The following CILP variants were observed in gnomAD, a reference collection of about 807,000 sequenced individuals.
The protein encoded by CILP is cartilage intermediate layer protein 1.
In CILP, 75 loss-of-function variants were observed where a neutral mutation model predicts 82.5. That is an observed-to-expected ratio of 0.91 (90% CI 0.75 to 1.10). The LOEUF is 1.10. Ranked by LOEUF, CILP falls within the 50% of genes least tolerant of loss-of-function variation. CILP has a pLI of 0.00. For missense variants in CILP, 1,479 were observed against 1,530.8 expected, an observed-to-expected ratio of 0.97 and a Z score of 0.56; for synonymous variants, 530 against 580.3, an observed-to-expected ratio of 0.91 and a Z score of 1.25.
chr15:65,197,553 G>C lies in CILP; in HGVS notation c.2733C>G (p.His911Gln). The C allele has an allele frequency of 6.2e-7, 1 of 1,614,246 alleles. No homozygotes were observed. Among genetic ancestry groups the C allele is most frequent in the South Asian group, 1.1e-5 (1 of 91,080 alleles). Residue 911 changes from histidine to glutamine, a missense_variant, in exon 9 of 9, where the codon CAC becomes CAG. Physicochemically the swap from His to Gln is conservative, Grantham distance 24 (BLOSUM62 0). Transcript: ENST00000261883. ...ACEEAPPSAA[H>Q]FRFYQIEGDR... ...CCCCCTCAATCTGGTAGAACCGGAA[G>C]TGGGCTGCACTGGGTGGTGCCTCTT... is the stretch of plus-strand genomic sequence containing the variant.
chr15:65,203,086 C>T (rs920343048), intron 7 of CILP, among the ~76,000 whole-genome samples: 3 of 152,106 alleles, frequency 2.0e-5, no homozygotes, highest in Non-Finnish European at 4.4e-5. Context: ...ATCCACCTGC[C>T]ACAGCCTCCC....
intron 5 of CILP, among the ~76,000 whole-genome samples, chr15:65,205,045 G>A (rs2088502049): frequency 6.6e-6 from 1 of 151,662 alleles, no homozygotes; most frequent in African/African-American, 2.4e-5. Flanking sequence ...CAACAACTTA[G>A]CCCAAAACAC....
chr15:65,205,379 T>C lies in CILP; in HGVS notation c.512A>G (p.Gln171Arg). ...CSAACGQTGV[Q>R]TRTRICLAEM... ...TGCCAAGCAAATGCGTGTGCGAGTC[T>C]GGACCCCAGTCTGACCACAGGCAGC... Residue 171 changes from glutamine (Q) to arginine (R), a missense_variant, in exon 5 of 9, where the codon CAG becomes CGG. Physicochemically the swap from Gln to Arg is conservative, Grantham distance 43. Transcript: ENST00000261883. 6.2e-7 allele frequency: 1 copy of C among 1,614,122 alleles called. No homozygotes were observed. Among genetic ancestry groups the C allele is most frequent in the Non-Finnish European group, 8.5e-7 (1 of 1,180,044 alleles).
In CILP at chr15:65,199,099, G is replaced by A; in HGVS notation, c.1187C>T (p.Ala396Val). The change falls in exon 9 of 9, where the codon GCA becomes GTA. Residue 396 changes from alanine to valine, a missense_variant and splice_region_variant. Transcript: ENST00000261883. ...TGGGTTGCAAGGAGTCTCATCAGAT[G>A]CTGTGTAGGGAAATGGTGTGGAAAT... is the stretch of plus-strand genomic sequence containing the variant. Reference protein sequence around the residue: ...KSKVAQLIVIASDETPCNPVP... With the variant: ...KSKVAQLIVIVSDETPCNPVP... The A allele has an allele frequency of 6.3e-7, 1 of 1,579,294 alleles. No homozygotes were observed. Among genetic ancestry groups the A allele is most frequent in the Non-Finnish European group, 8.5e-7 (1 of 1,169,610 alleles).
chr15:65,195,524 A>G lies in CILP; in HGVS notation c.*1207T>C, dbSNP rs1488808688. 2 of 152,240 alleles carry G rather than the reference A, an allele frequency of 1.3e-5. No homozygotes were observed. Among genetic ancestry groups the G allele is most frequent in the Admixed American group, 6.5e-5 (1 of 15,284 alleles). The allele number at this position is 152,240 out of a possible 1,614,324, so 9.4% of individuals were successfully genotyped here. The stretch of plus-strand genomic sequence containing the variant: ...CCGTTTGGACCAATTGTTTTGCTCC[A>G]GGGACAGGGTCTGTAACACACAACA... On this transcript the variant is annotated 3_prime_UTR_variant, in exon 9 of 9. Transcript: ENST00000261883.
Position 65,206,963 on chromosome 15 carries a change from A to T in CILP, c.243T>A (p.Tyr81Ter), listed in dbSNP as rs143749221. Reference protein sequence around the residue: ...YERLDAIRFYYGDRVCARPLR... With the variant: ...YERLDAIRFY ...GGGGACGGGCACATACACGGTCCCC[A>T]TAGTAGAAGCGAATGGCGTCCAGCC... is the stretch of plus-strand genomic sequence containing the variant. Residue 81 changes from tyrosine (Y) to a stop codon, truncating the protein, a stop_gained, in exon 4 of 9, where the codon TAT (tyrosine) becomes TAA (stop). Transcript: ENST00000261883. LOFTEE classifies it high-confidence loss of function. 23 of 1,613,894 alleles carry T rather than the reference A, an allele frequency of 1.4e-5. No homozygotes were observed. The highest frequency in any genetic ancestry group is 1.5e-5 in the Non-Finnish European group (18 of 1,180,018).
At position 65,204,297 on chromosome 15, in the gene CILP, G is replaced by A. The variant is rs777976230; in HGVS notation, c.890C>T (p.Ala297Val). Residue 297 changes from alanine to valine, a missense_variant, in exon 6 of 9, where the codon GCC becomes GTC. Transcript: ENST00000261883. ...CCTCACAAACTCTGCCTTGATGGTG[G>A]CTGCCTTCAGGCTAGTCTTGGGCAT... is the stretch of plus-strand genomic sequence containing the variant. ...LTMPKTSLKA[A>V]TIKAEFVRAE... 1.2e-6 allele frequency: 2 copies of A among 1,613,932 alleles called. No individual in the cohort carries two copies. Among genetic ancestry groups the A allele is most frequent in the South Asian group, 1.1e-5 (1 of 90,998 alleles).
Position 65,196,450 on chromosome 15 carries a change from A to C in CILP, c.*281T>G, listed in dbSNP as rs2088362087. On this transcript the variant is annotated 3_prime_UTR_variant, in exon 9 of 9. Coordinates refer to ENST00000261883, the MANE Select transcript of CILP (RefSeq NM_003613.4). ...AAGAAGAGGAAGTATATTTGCATTA[A>C]TGGCATTAAATGAAGTACAGTTGAA... 1 of 352,388 alleles carries C rather than the reference A, an allele frequency of 2.8e-6. No individual in the cohort carries two copies. Among genetic ancestry groups the C allele is most frequent in the East Asian group, 4.6e-5 (1 of 21,632 alleles). 21.8% of individuals were successfully genotyped at this position (352,388 alleles called of 1,614,324 possible).
rs778362259 is a variant in CILP at position 65,197,422 on chromosome 15, T to C, written c.2864A>G (p.Tyr955Cys). ...WPKPMEFRACYIKVKIVGPLE... is the reference protein window; with the variant it reads ...WPKPMEFRACCIKVKIVGPLE... ...TGGCCCCACAATCTTCACCTTGATA[T>C]AGCAGGCCCTGAATTCCATCGGCTT... The change falls in exon 9 of 9, where the codon TAT becomes TGT. Residue 955 changes from tyrosine to cysteine, a missense_variant. Physicochemically the swap from Tyr to Cys is radical, Grantham distance 194 (BLOSUM62 -2). Coordinates refer to ENST00000261883, the MANE Select transcript of CILP (RefSeq NM_003613.4). 15 of 1,614,234 alleles carry C rather than the reference T, an allele frequency of 9.3e-6. No homozygotes were observed. Among genetic ancestry groups the C allele is most frequent in the Middle Eastern group, 1.6e-4 (1 of 6,062 alleles).
intron 6 of CILP, 126 bp downstream of exon 6, chr15:65,204,142 T>A: frequency 1.3e-6 from 1 of 782,338 alleles, no homozygotes; most frequent in Non-Finnish European, 2.1e-6. Context: ...TATAGTGCCA[T>A]GTGGGCCATG....
chr15:65,198,073 TCACGAATCTCCAGGTTGCC>T lies in CILP; in HGVS notation c.2194_2212del (p.Gly732ArgfsTer19). 1 of 1,614,234 alleles carries T rather than the reference TCACGAATCTCCAGGTTGCC, an allele frequency of 6.2e-7. No homozygotes were observed. Among genetic ancestry groups the T allele is most frequent in the Non-Finnish European group, 8.5e-7 (1 of 1,180,044 alleles). On this transcript the variant is annotated frameshift_variant, in exon 9 of 9. Transcript: ENST00000261883. LOFTEE classifies it high-confidence loss of function. Reference sequence around the variant, plus strand: ...AACATCCAGGTTAAAGAGCCTCCTCTCACGAATCTCCAGGTTGCCCACCAGGAAGGTTCTGTCTTCTCTT... The same window carrying T: ...AACATCCAGGTTAAAGAGCCTCCTCTCACCAGGAAGGTTCTGTCTTCTCTT...
At chr15:65,202,893 T>C (rs1295361332) in intron 7 of CILP, among the ~76,000 whole-genome samples, 1 of 143,760 alleles carries the variant, frequency 7.0e-6, no homozygotes, top group East Asian at 2.0e-4. Context: ...TGGAGTGCAG[T>C]GGTGTGATCA....
At chr15:65,199,124 T>C in intron 8 of CILP, 25 bp from the exon 9 acceptor site, 1 of 1,522,886 alleles carries the variant, frequency 6.6e-7, no homozygotes. Context: ...GGTGTGGAAA[T>C]TAAGATGTAA....
At chr15:65,210,578 C>T (rs1299280991) in intron 1 of CILP, among the ~76,000 whole-genome samples, 1 of 152,186 alleles carries the variant, frequency 6.6e-6, no homozygotes, top group Non-Finnish European at 1.5e-5. Flanking sequence ...AACTATGGGG[C>T]GTGCGTGGCC....
intron 1 of CILP, 123 bp downstream of exon 1, chr15:65,211,305 T>C (rs978753634): frequency 2.6e-5 from 4 of 151,078 alleles, no homozygotes; most frequent in African/African-American, 9.8e-5. Context: ...AGATGAAGGA[T>C]CAGGCAGCAA....
Position 65,196,679 on chromosome 15 carries a change from A to T in CILP, c.*52T>A. ...AAGTGACAGTTTGTGCATCAGTCTC[A>T]CAATGGCTGTCACATGAAATGAGGG... On this transcript the variant is annotated 3_prime_UTR_variant, in exon 9 of 9. Coordinates refer to ENST00000261883, the MANE Select transcript of CILP (RefSeq NM_003613.4). 1 of 1,432,066 alleles carries T rather than the reference A, an allele frequency of 7.0e-7. No homozygotes were observed. The highest frequency in any genetic ancestry group is 9.4e-7 in the Non-Finnish European group (1 of 1,060,812). 88.7% of individuals were successfully genotyped at this position (1,432,066 alleles called of 1,614,324 possible).
At chr15:65,202,066 T>A in intron 7 of CILP, 37 bp from the exon 8 acceptor site, 7 of 1,472,190 alleles carry the variant, frequency 4.8e-6, no homozygotes, top group Non-Finnish European at 6.3e-6. Flanking sequence ...GAATGGGCAG[T>A]GGGAGGGCAG....
chr15:65,198,830 T>G lies in CILP; in HGVS notation c.1456A>C (p.Thr486Pro). 1 of 1,614,180 alleles carries G rather than the reference T, an allele frequency of 6.2e-7. No homozygotes were observed. Among genetic ancestry groups the G allele is most frequent in the Non-Finnish European group, 8.5e-7 (1 of 1,180,036 alleles). The change falls in exon 9 of 9, where the codon ACG (threonine) becomes CCG (proline). Residue 486 changes from threonine (T) to proline (P), a missense_variant. Thr to Pro is a conservative substitution (Grantham distance 38). Transcript: ENST00000261883. ...CCCCGCACGATGCTCCGAGTTTCCG[T>G]ACACCGCTGGCAGCTGCACTCCTTG... ...VAKECSCQRCTETRSIVRGRV... is the reference protein window; with the variant it reads ...VAKECSCQRCPETRSIVRGRV...
chr15:65,205,630 A>C (rs1186841658), intron 4 of CILP, among the ~76,000 whole-genome samples, 164 bp from the exon 5 acceptor site: 1 of 152,208 alleles, frequency 6.6e-6, no homozygotes, highest in Non-Finnish European at 1.5e-5. Context: ...CAACAGACAA[A>C]ATTCTTGAGG....
Sources: gnomAD v4.1 joint callset for allele counts (sites outside exome capture counted in the v4.1 genomes callset) on GRCh38, gnomAD v4.1.1 for gene constraint, MANE v1.5 for transcripts, NCBI Gene and HGNC (gene_info 2026-07-23, HGNC 2026-07-21) for gene names.